Variants in RSRC1 observed in about 807,000 individuals in gnomAD.
RSRC1 encodes serine/Arginine-related protein 53.
RSRC1 carries 39 observed loss-of-function variants against 49.1 expected under a neutral mutation model. That is an observed-to-expected ratio of 0.79 (90% CI 0.61 to 1.04). The LOEUF is 1.04. RSRC1 is among the 50% of genes least tolerant of loss of function. The pLI is 0.00. For synonymous variants in RSRC1, 143 were observed against 130.8 expected, an observed-to-expected ratio of 1.09 and a Z score of -0.63; for missense variants, 388 against 402.4, an observed-to-expected ratio of 0.96 and a Z score of 0.31.
chr3:158,220,897 G>A (rs1722192806), intron 4 of RSRC1, among the ~76,000 whole-genome samples: 1 of 151,392 alleles, frequency 6.6e-6, no homozygotes, highest in Admixed American at 6.6e-5. Flanking sequence ...TTGCTGTTAG[G>A]GAACCATAGT....
chr3:158,415,912 A>G (rs770253771), intron 6 of RSRC1, among the ~76,000 whole-genome samples: 103 of 152,046 alleles, frequency 6.8e-4, no homozygotes, highest in Non-Finnish European at 1.1e-3. Flanking sequence ...GCTTTATTTT[A>G]TTAGCCCTTT....
At chr3:158,150,607 A>C (rs1345612662) in intron 3 of RSRC1, among the ~76,000 whole-genome samples, 1 of 152,166 alleles carries the variant, frequency 6.6e-6, no homozygotes, top group Non-Finnish European at 1.5e-5. Flanking sequence ...GTAGGTCTTG[A>C]TATCAATTAG....
At chr3:158,490,216 T>C (rs751232822) in intron 7 of RSRC1, among the ~76,000 whole-genome samples, 1 of 152,020 alleles carries the variant, frequency 6.6e-6, no homozygotes, top group Non-Finnish European at 1.5e-5. Context: ...TCCCGAGTAG[T>C]TGGTACTACA....
At chr3:158,145,739 C>T (rs545407483) in intron 3 of RSRC1, among the ~76,000 whole-genome samples, 12 of 152,242 alleles carry the variant, frequency 7.9e-5, no homozygotes, top group South Asian at 4.1e-4. Flanking sequence ...GCCATTTTCA[C>T]GATATTGCTT....
chr3:158,349,699 T>TC (rs1730755476), intron 5 of RSRC1, among the ~76,000 whole-genome samples: 1 of 141,402 alleles, frequency 7.1e-6, no homozygotes, highest in African/African-American at 2.7e-5. Flanking sequence ...CCCTTTTTTT[T>TC]TTTTTTTTTT....
rs1203446783 is a variant in RSRC1, at chr3:158,267,636, A to T, written c.495-30403A>T. Among the ~76,000 whole-genome samples the T allele has an allele frequency of 2.0e-5, 3 of 151,612 alleles. No homozygotes were observed. In the East Asian group the frequency reaches 5.8e-4, roughly 29 times the overall value. On this transcript the variant is annotated intron_variant, in intron 4 of 9. Transcript: ENST00000611884. The stretch of plus-strand genomic sequence containing the variant: ...CTGTTTTCTTTCTTGAGCCCATTTC[A>T]TGAATTTTTTTAAATTTTGCTTTTA...
intron 6 of RSRC1, among the ~76,000 whole-genome samples, chr3:158,430,322 G>A (rs1000573133): frequency 6.6e-6 from 1 of 151,916 alleles, no homozygotes; most frequent in Non-Finnish European, 1.5e-5. Context: ...CAGAAGGACA[G>A]CAGAATCTTT....
chr3:158,230,655 TA>T (rs770233430), intron 4 of RSRC1, among the ~76,000 whole-genome samples: 2 of 152,298 alleles, frequency 1.3e-5, no homozygotes, highest in South Asian at 2.1e-4. Flanking sequence ...AAAACTTACC[TA>T]AAGAGTTGTT....
intron 5 of RSRC1, among the ~76,000 whole-genome samples, chr3:158,325,993 A>G (rs976441222): frequency 6.6e-6 from 1 of 152,144 alleles, no homozygotes; most frequent in Non-Finnish European, 1.5e-5. Context: ...TTGAAGCAAT[A>G]GTGAATAGCA....
intron 6 of RSRC1, among the ~76,000 whole-genome samples, chr3:158,356,129 C>T (rs1218483645): frequency 6.6e-6 from 1 of 151,868 alleles, no homozygotes; most frequent in Non-Finnish European, 1.5e-5. Flanking sequence ...TAACTGAAAC[C>T]ACAGAAAATG....
chr3:158,279,275 G>A (rs192677617), intron 4 of RSRC1, among the ~76,000 whole-genome samples: 10 of 152,260 alleles, frequency 6.6e-5, no homozygotes, highest in Admixed American at 2.0e-4. Context: ...ATTGTTAATC[G>A]CATTAAAGCA....
At chr3:158,373,888 A>T (rs1361055244) in intron 6 of RSRC1, among the ~76,000 whole-genome samples, 1 of 152,074 alleles carries the variant, frequency 6.6e-6, no homozygotes, top group African/African-American at 2.4e-5. Context: ...AGGAGTTAAA[A>T]GTAAGTGTGG....
At chr3:158,518,104 G>GCA (rs1740677403) in intron 7 of RSRC1, among the ~76,000 whole-genome samples, 2 of 76,530 alleles carry the variant, frequency 2.6e-5, no homozygotes, top group Non-Finnish European at 2.3e-5. Flanking sequence ...GCGTGTGTGT[G>GCA]TGTGTGTGTG....
intron 7 of RSRC1, among the ~76,000 whole-genome samples, chr3:158,482,655 A>G (rs1040152955): frequency 3.9e-5 from 6 of 152,040 alleles, no homozygotes; most frequent in African/African-American, 1.2e-4. Flanking sequence ...ATAAAAGAAA[A>G]TAGAAATCAC....
intron 3 of RSRC1, among the ~76,000 whole-genome samples, chr3:158,147,757 TAGA>T (rs1437067017): frequency 6.6e-6 from 1 of 152,196 alleles, no homozygotes; most frequent in Non-Finnish European, 1.5e-5. Context: ...GTGTACGTTT[TAGA>T]AGTATACATT....
At chr3:158,460,901 A>G (rs1344127201) in intron 6 of RSRC1, 34 bp from the exon 7 acceptor site, 1 of 1,487,624 alleles carries the variant, frequency 6.7e-7, no homozygotes, top group African/African-American at 1.4e-5. Context: ...ATAGGCATAA[A>G]ATAAGTACAA....
chr3:158,489,764 ATTG>A (rs1481710720), intron 7 of RSRC1, among the ~76,000 whole-genome samples: 1 of 152,128 alleles, frequency 6.6e-6, no homozygotes, highest in African/African-American at 2.4e-5. Flanking sequence ...AATTGAATAC[ATTG>A]TTGTAGCTTT....
At chr3:158,266,868 A>G (rs894294031) in intron 4 of RSRC1, among the ~76,000 whole-genome samples, 3 of 151,964 alleles carry the variant, frequency 2.0e-5, no homozygotes, top group Admixed American at 6.6e-5. Flanking sequence ...GGCTCAAATG[A>G]TTCTCCTGCC....
chr3:158,303,130 A>G (rs1727655856), intron 5 of RSRC1: 5 of 152,238 alleles, frequency 3.3e-5, no homozygotes, highest in African/African-American at 9.6e-5. Flanking sequence ...TACAGGAGAT[A>G]GAACCTTGCC....
Sources: gnomAD v4.1 joint callset for allele counts (sites outside exome capture counted in the v4.1 genomes callset) on GRCh38, gnomAD v4.1.1 for gene constraint, MANE v1.5 for transcripts, NCBI Gene and HGNC (gene_info 2026-07-23, HGNC 2026-07-21) for gene names.